Variants in NIPSNAP2 observed in about 807,000 individuals in gnomAD.
NIPSNAP2 encodes the protein protein NipSnap homolog 2.
In NIPSNAP2, 42 loss-of-function variants were observed where a neutral mutation model predicts 48.4. The ratio of observed to expected loss-of-function variants is 0.87; its 90% CI spans 0.68 to 1.12. The LOEUF (loss-of-function observed/expected upper bound fraction) is 1.12. Ranked by LOEUF, NIPSNAP2 falls within the 50% of genes most tolerant of loss-of-function variation. NIPSNAP2 has a pLI of 0.00. For synonymous variants in NIPSNAP2, 158 were observed against 126.6 expected (o/e 1.25, Z -1.67); for missense variants, 314 against 347.3 (o/e 0.90, Z 0.76).
chr7:55,974,500 T>C (rs866728487), intron 1 of NIPSNAP2, among the ~76,000 whole-genome samples: 6 of 151,976 alleles, frequency 3.9e-5, no homozygotes, highest in South Asian at 2.1e-4. Context: ...TTCCTCTTAA[T>C]GTTTACCTGG....
intron 3 of NIPSNAP2, chr7:55,979,202 T>G (rs1787162656): frequency 6.6e-6 from 1 of 152,396 alleles, no homozygotes; most frequent in South Asian, 2.1e-4. Flanking sequence ...ATTGAATTTC[T>G]TGCTCATTCC....
At chr7:55,978,011 T>C (rs1787135049) in intron 1 of NIPSNAP2, 115 bp from the exon 2 acceptor site, 6 of 1,176,904 alleles carry the variant, frequency 5.1e-6, no homozygotes, top group East Asian at 2.4e-5. Flanking sequence ...AGGCATTCTT[T>C]GGTAGCCCAG....
Position 55,969,851 on chromosome 7 carries a change from T to C in NIPSNAP2, c.92+5150T>C, listed in dbSNP as rs554261728. On this transcript the variant is annotated intron_variant, in intron 1 of 9. Transcript: ENST00000322090. ...ACAAAAAATTAGCCGGGCGTGGTGG[T>C]GGGCGCCTGTAGTCCCAGCTACTCA... Among the ~76,000 whole-genome samples, 211 of 151,814 alleles carry C rather than the reference T, an allele frequency of 1.4e-3. 2 individuals are homozygous for C. The highest frequency in any genetic ancestry group is 3.8e-3 in the African/African-American group (159 of 41,398).
chr7:55,976,687 A>G (rs1404095021), intron 1 of NIPSNAP2, among the ~76,000 whole-genome samples: 1 of 152,132 alleles, frequency 6.6e-6, no homozygotes, highest in Non-Finnish European at 1.5e-5. Context: ...GGAGTTTGAG[A>G]ACAACTTGGG....
At chr7:55,994,646 G>T (rs976701389) in intron 7 of NIPSNAP2, among the ~76,000 whole-genome samples, 1 of 152,220 alleles carries the variant, frequency 6.6e-6, no homozygotes, top group African/African-American at 2.4e-5. Flanking sequence ...CCAGGAGGTG[G>T]AGGTTGCAGT....
chr7:55,979,522 T>G (rs4543497), intron 3 of NIPSNAP2: 1 of 313,746 alleles, frequency 3.2e-6, no homozygotes, highest in South Asian at 2.8e-5. Context: ...TCACCTAAGC[T>G]GTGCATTCTT....
intron 6 of NIPSNAP2, among the ~76,000 whole-genome samples, chr7:55,984,475 G>C (rs980532828): frequency 6.6e-6 from 1 of 152,120 alleles, no homozygotes; most frequent in African/African-American, 2.4e-5. Context: ...CCAGCTTTTT[G>C]GGAAGTCAAG....
intron 7 of NIPSNAP2, among the ~76,000 whole-genome samples, chr7:55,987,557 G>A (rs1368072450): frequency 6.6e-6 from 1 of 152,192 alleles, no homozygotes; most frequent in African/African-American, 2.4e-5. Flanking sequence ...GAACCCGGGA[G>A]GTGGAGGTTG....
At chr7:55,986,930 T>C (rs1197902651) in intron 7 of NIPSNAP2, among the ~76,000 whole-genome samples, 1 of 141,762 alleles carries the variant, frequency 7.1e-6, no homozygotes, top group African/African-American at 2.6e-5. Context: ...GAGGATCGCT[T>C]GATGCTAGGA....
At chr7:55,985,439 A>G (rs1266025091) in intron 7 of NIPSNAP2, among the ~76,000 whole-genome samples, 1 of 152,008 alleles carries the variant, frequency 6.6e-6, no homozygotes, top group Non-Finnish European at 1.5e-5. Flanking sequence ...CAGGCTTTAG[A>G]AGTGCAAAAG....
chr7:55,981,393 T>G, intron 3 of NIPSNAP2, 80 bp from the exon 4 acceptor site: 2 of 932,558 alleles, frequency 2.1e-6, no homozygotes, highest in Non-Finnish European at 3.5e-6. Flanking sequence ...GTGGTCTTTT[T>G]CCTGTTACTG....
At chr7:55,988,527 TGG>T (rs1303259246) in intron 7 of NIPSNAP2, among the ~76,000 whole-genome samples, 2 of 152,044 alleles carry the variant, frequency 1.3e-5, no homozygotes, top group Admixed American at 1.3e-4. Context: ...GAATGTAAAA[TGG>T]TGCAGCCACT....
Position 55,993,575 on chromosome 7 carries a change from T to TA in NIPSNAP2, c.618-1301dup, listed in dbSNP as rs11317055. Among the ~76,000 whole-genome samples, 828 of 121,000 alleles carry TA rather than the reference T, an allele frequency of 6.8e-3. 6 individuals carry two copies. Among genetic ancestry groups the TA allele is most frequent in the South Asian group, 0.017 (61 of 3,620 alleles). The allele number at this position is 121,000 out of a possible 152,430, so 79.4% of individuals were successfully genotyped here. Reference sequence around the variant, plus strand: ...GCCTGGGCAACAGCGAGACTCCATCTAAAAAAAAAAAAAAAAAAGCCGAGC... The same window carrying TA: ...GCCTGGGCAACAGCGAGACTCCATCTAAAAAAAAAAAAAAAAAAAGCCGAGC... On this transcript the variant is annotated intron_variant, in intron 7 of 9. Transcript: ENST00000322090.
intron 6 of NIPSNAP2, among the ~76,000 whole-genome samples, 155 bp downstream of exon 6, chr7:55,984,023 G>A (rs1293861974): frequency 6.6e-6 from 1 of 151,986 alleles, no homozygotes; most frequent in Non-Finnish European, 1.5e-5. Flanking sequence ...GTCTCACACT[G>A]TCACCAAGGC....
At chr7:55,985,609 TG>T (rs1787312105) in intron 7 of NIPSNAP2, among the ~76,000 whole-genome samples, 1 of 151,952 alleles carries the variant, frequency 6.6e-6, no homozygotes, top group African/African-American at 2.4e-5. Context: ...TAGCCAGGTG[TG>T]ATGCCACATG....
intron 3 of NIPSNAP2, chr7:55,980,217 C>T (rs955059913): frequency 5.6e-6 from 1 of 177,412 alleles, no homozygotes; most frequent in Non-Finnish European, 1.2e-5. Flanking sequence ...ATATCAGATC[C>T]TAATTTAAAA....
In NIPSNAP2 at chr7:55,996,581, G is replaced by A. The variant is rs145359605; in HGVS notation, c.713-785G>A. ...ACCGCTGGAACACGCTCCCTGCCCA[G>A]ATCAGTGTAGTGCGAGATAAATGTT... On this transcript the variant is annotated intron_variant, in intron 8 of 9. Transcript: ENST00000322090. Among the ~76,000 whole-genome samples the A allele has an allele frequency of 8.3e-3, 1,257 of 152,254 alleles. 15 individuals are homozygous for A. The highest frequency in any genetic ancestry group is 0.029 in the African/African-American group (1,200 of 41,562).
At chr7:55,977,562 T>C (rs966200519) in intron 1 of NIPSNAP2, among the ~76,000 whole-genome samples, 2 of 152,220 alleles carry the variant, frequency 1.3e-5, no homozygotes, top group Non-Finnish European at 2.9e-5. Context: ...GCATTACTTA[T>C]ATTCACATTG....
intron 1 of NIPSNAP2, among the ~76,000 whole-genome samples, chr7:55,974,083 G>C (rs1280271751): frequency 6.6e-6 from 1 of 151,946 alleles, no homozygotes; most frequent in Non-Finnish European, 1.5e-5. Context: ...AGATTAGCCG[G>C]ATGTGGTGGC....
Sources: gnomAD v4.1 joint callset for allele counts (sites outside exome capture counted in the v4.1 genomes callset) on GRCh38, gnomAD v4.1.1 for gene constraint, MANE v1.5 for transcripts, NCBI Gene and HGNC (gene_info 2026-07-23, HGNC 2026-07-21) for gene names.